Variants in PDE6A observed in about 807,000 individuals in gnomAD.
The protein encoded by PDE6A is phosphodiesterase 6A, also known as rod cGMP-specific 3',5'-cyclic phosphodiesterase subunit alpha.
A neutral mutation model predicts 106.3 loss-of-function variants in PDE6A; 84 were observed. The ratio of observed to expected loss-of-function variants is 0.79; its 90% confidence interval spans 0.66 to 0.95. The LOEUF (loss-of-function observed/expected upper bound fraction) is 0.95, where lower values mean the gene tolerates loss of function less well. PDE6A is among the 40% of genes least tolerant of loss of function. PDE6A has a pLI of 0.00. For synonymous variants in PDE6A, 394 were observed against 386.6 expected, an observed-to-expected ratio of 1.02 and a Z score of -0.23; for missense variants, 1,052 against 1,084.9, an observed-to-expected ratio of 0.97 and a Z score of 0.43.
chr5:149,896,103 C>T (rs898532063), intron 12 of PDE6A, among the ~76,000 whole-genome samples: 12 of 152,264 alleles, frequency 7.9e-5, no homozygotes, highest in East Asian at 5.8e-4. Context: ...CTATTCCCAG[C>T]CTTCAGGGCT....
chr5:149,875,664 T>A (rs920409671), intron 17 of PDE6A, among the ~76,000 whole-genome samples: 3 of 151,980 alleles, frequency 2.0e-5, no homozygotes, highest in African/African-American at 7.2e-5. Flanking sequence ...GAAATTTTTA[T>A]TTTTTATAGA....
intron 17 of PDE6A, among the ~76,000 whole-genome samples, chr5:149,877,611 T>C (rs775725552): frequency 6.6e-6 from 1 of 152,150 alleles, no homozygotes; most frequent in Non-Finnish European, 1.5e-5. Context: ...AGACTCCCCA[T>C]GTCGGCCAGA....
rs570089731 is a variant in PDE6A, at chr5:149,907,400, C to T, written c.999-22G>A. On this transcript the variant is annotated intron_variant, in intron 6 of 21. Coordinates refer to ENST00000255266, the MANE Select transcript of PDE6A (RefSeq NM_000440.3). ...ATTCCTGTGAAGGCCAAAGACAAAA[C>T]GGTGACTCTCAGTGCAGGGATTGCT... The T allele has an allele frequency of 5.6e-6, 9 of 1,601,874 alleles. No individual in the cohort carries two copies. The East Asian group carries it at 1.1e-4, about 20-fold the overall frequency.
At chr5:149,940,386 AGAGGAGATGACGG>A (rs1754295615) in intron 1 of PDE6A, among the ~76,000 whole-genome samples, 1 of 152,158 alleles carries the variant, frequency 6.6e-6, no homozygotes, top group Non-Finnish European at 1.5e-5. Flanking sequence ...TGGATGCCCA[AGAGGAGATGACGG>A]GAGCCATGCG....
chr5:149,873,332 CTTT>C (rs527562371), intron 17 of PDE6A, among the ~76,000 whole-genome samples: 8 of 137,268 alleles, frequency 5.8e-5, no homozygotes, highest in African/African-American at 5.3e-5. Flanking sequence ...ATGAGATACT[CTTT>C]TTTTTTTTTT....
intron 5 of PDE6A, among the ~76,000 whole-genome samples, chr5:149,917,048 T>C (rs1179260272): frequency 6.8e-6 from 1 of 146,210 alleles, no homozygotes; most frequent in African/African-American, 2.6e-5. Context: ...AAAGGGGATA[T>C]CTTTTTTTTT....
intron 17 of PDE6A, among the ~76,000 whole-genome samples, chr5:149,882,676 C>T (rs1035966477): frequency 1.3e-5 from 2 of 152,082 alleles, no homozygotes; most frequent in African/African-American, 4.8e-5. Context: ...GTGACTAGCA[C>T]AGCTATATTG....
chr5:149,941,442 A>G (rs370420232), intron 1 of PDE6A, among the ~76,000 whole-genome samples: 16 of 152,348 alleles, frequency 1.1e-4, no homozygotes, highest in African/African-American at 3.8e-4. Context: ...GATTTGCCCA[A>G]GGTGATCAAA....
At chr5:149,889,737 C>T (rs1264381286) in intron 13 of PDE6A, among the ~76,000 whole-genome samples, 1 of 151,960 alleles carries the variant, frequency 6.6e-6, no homozygotes. Context: ...GAAATATCGT[C>T]TCTACTAAAA....
chr5:149,882,987 G>A (rs747942458), intron 17 of PDE6A, among the ~76,000 whole-genome samples: 1 of 152,122 alleles, frequency 6.6e-6, no homozygotes, highest in South Asian at 2.1e-4. Flanking sequence ...GAACCTGGGA[G>A]GCGGAAGTTG....
intron 8 of PDE6A, among the ~76,000 whole-genome samples, chr5:149,900,401 G>GATATATATATATATATATATATATA (rs1752932187): frequency 3.4e-5 from 4 of 116,980 alleles, no homozygotes; most frequent in African/African-American, 5.8e-5. Context: ...ATATATATCC[G>GATATATATATATATATATATATATA]TTGGTTCATC....
chr5:149,919,820 G>A (rs924651575), intron 5 of PDE6A, among the ~76,000 whole-genome samples: 1 of 152,040 alleles, frequency 6.6e-6, no homozygotes, highest in African/African-American at 2.4e-5. Flanking sequence ...TTCCATGAAG[G>A]CTTTTTAGCC....
At chr5:149,929,171 A>G (rs1753952439) in intron 4 of PDE6A, among the ~76,000 whole-genome samples, 2 of 152,248 alleles carry the variant, frequency 1.3e-5, no homozygotes, top group Non-Finnish European at 2.9e-5. Flanking sequence ...TAGAAGTTTC[A>G]TAATAACAGT....
intron 3 of PDE6A, chr5:149,932,440 G>A (rs1581210392): frequency 3.6e-6 from 5 of 1,392,320 alleles, no homozygotes; most frequent in Admixed American, 3.4e-5. Context: ...GACTGAATAA[G>A]GTCAAGATCT....
intron 4 of PDE6A, among the ~76,000 whole-genome samples, chr5:149,929,378 A>G (rs367636697): frequency 1.7e-4 from 26 of 152,276 alleles, no homozygotes; most frequent in African/African-American, 6.3e-4. Flanking sequence ...AGGCCGAGGC[A>G]GGCGGATCAC....
intron 8 of PDE6A, among the ~76,000 whole-genome samples, chr5:149,900,375 G>GTATATATATATATA (rs55680278): frequency 0.063 from 5,148 of 82,366 alleles, 606 homozygotes; most frequent in South Asian, 0.11. Context: ...AAATATATAT[G>GTATATATATATATA]TATATATATA....
chr5:149,866,290 G>C (rs746927376), intron 19 of PDE6A, 37 bp from the exon 20 acceptor site: 9 of 1,449,162 alleles, frequency 6.2e-6, no homozygotes, highest in South Asian at 5.7e-5. Flanking sequence ...GCACTGGACA[G>C]TAAGAGAAAC....
intron 17 of PDE6A, among the ~76,000 whole-genome samples, chr5:149,882,560 C>A (rs1298472341): frequency 6.6e-6 from 1 of 151,998 alleles, no homozygotes; most frequent in Non-Finnish European, 1.5e-5. Context: ...TGGAAGCACA[C>A]TGAGAAAACT....
intron 5 of PDE6A, among the ~76,000 whole-genome samples, chr5:149,918,121 A>T (rs911421143): frequency 6.6e-6 from 1 of 152,252 alleles, no homozygotes; most frequent in Non-Finnish European, 1.5e-5. Context: ...CAAAACAGAC[A>T]TATTATTTGA....
Sources: allele counts gnomAD v4.1 joint callset (sites outside exome capture counted in the v4.1 genomes callset), GRCh38; gene constraint gnomAD v4.1.1; transcripts MANE v1.5; gene names NCBI Gene and HGNC (gene_info 2026-07-23, HGNC 2026-07-21).